MUC17: variants seen among roughly 807,000 people sequenced by gnomAD.
MUC17 encodes mucin 17, cell surface associated.
Under a neutral mutation model 170.3 loss-of-function variants are expected in MUC17, and 190 were observed. The observed-to-expected ratio is 1.12, with a 90% CI of 0.99 to 1.26. The LOEUF (loss-of-function observed/expected upper bound fraction) is 1.26. Among genes scored for constraint, MUC17 ranks in the 50% most tolerant of loss-of-function variants. MUC17 has a pLI of 0.00. For missense variants in MUC17, 6,415 were observed against 5,530.0 expected (o/e 1.16, Z -5.08); for synonymous variants, 2,325 against 2,002.5 (o/e 1.16, Z -4.30).
rs755850315 is a variant in MUC17, at chr7:101,039,688, G to T, written c.8272G>T (p.Val2758Phe). Residue 2758 changes from valine to phenylalanine, a missense_variant, in exon 3 of 13, where the codon GTC becomes TTC. Coordinates refer to ENST00000306151, the MANE Select transcript of MUC17 (RefSeq NM_001040105.2). ...DGSTPLTSIL[V>F]STLPVASSEA... ...AAGTACTCCATTAACAAGTATACTT[G>T]TCAGCACCCTGCCAGTGGCCAGTTC... The T allele has an allele frequency of 1.2e-5, 19 of 1,613,082 alleles. No homozygotes were observed. Among genetic ancestry groups the T allele is most frequent in the Non-Finnish European group, 1.6e-5 (19 of 1,179,702 alleles).
chr7:101,056,088 G>A, intron 11 of MUC17, 106 bp from the exon 12 acceptor site: 1 of 1,509,568 alleles, frequency 6.6e-7, no homozygotes, highest in South Asian at 1.2e-5. Flanking sequence ...GTTTCCTAGG[G>A]GTAGAGAAAA....
chr7:101,041,945 C>A lies in MUC17; in HGVS notation c.10529C>A (p.Ser3510Ter). 6.2e-7 allele frequency: 1 copy of A among 1,613,190 alleles called. No individual in the cohort carries two copies. Among genetic ancestry groups the A allele is most frequent in the Non-Finnish European group, 8.5e-7 (1 of 1,179,632 alleles). The part of the protein sequence containing the change: ...TTAEVTSMPT[S>*]TAGEGSTPLT... ...GCTGAAGTTACCAGCATGCCAACATCAACTGCTGGTGAAGGAAGCACTCCA... is the reference window on the plus strand; with the variant it reads ...GCTGAAGTTACCAGCATGCCAACATAAACTGCTGGTGAAGGAAGCACTCCA... The change falls in exon 3 of 13, where the codon TCA (serine) becomes TAA (stop). Residue 3510 changes from serine to a stop codon, truncating the protein, a stop_gained. Transcript: ENST00000306151. LOFTEE classifies it high-confidence loss of function.
In MUC17 at chr7:101,035,060, G is replaced by A. The variant is rs763721391; in HGVS notation, c.3644G>A (p.Gly1215Glu). 18 of 1,613,108 alleles carry A rather than the reference G, an allele frequency of 1.1e-5. No individual in the cohort carries two copies. The Admixed American group carries it at 1.7e-4, about 15-fold the overall frequency. The change falls in exon 3 of 13, where the codon GGA becomes GAA. Residue 1215 changes from glycine to glutamate, a missense_variant. Coordinates refer to ENST00000306151, the MANE Select transcript of MUC17 (RefSeq NM_001040105.2). ...EVTSMPTSTP[G>E]ERSTPLTSMP... The stretch of plus-strand genomic sequence containing the variant: ...ACCAGCATGCCAACCTCAACTCCTG[G>A]AGAAAGAAGCACTCCATTAACAAGT...
chr7:101,041,296 G>T lies in MUC17; in HGVS notation c.9880G>T (p.Ala3294Ser). 1.9e-6 allele frequency: 3 copies of T among 1,610,178 alleles called. No individual in the cohort carries two copies. Among genetic ancestry groups the T allele is most frequent in the Non-Finnish European group, 1.7e-6 (2 of 1,177,926 alleles). ...TATGCCTGTCAGCACCACAACGGTG[G>T]CCAGTTCTGAAACGAGCACCCTTTC... The part of the protein sequence containing the change: ...TSMPVSTTTV[A>S]SSETSTLSTT... The change falls in exon 3 of 13, where the codon GCC becomes TCC. Residue 3294 changes from alanine to serine, a missense_variant. Transcript: ENST00000306151.
In MUC17 at chr7:101,040,191, A is replaced by G. The variant is rs182778484; in HGVS notation, c.8775A>G (p.Glu2925=). The change falls in exon 3 of 13, where the codon GAA becomes GAG. Residue 2925 remains glutamate (E), a synonymous_variant. Coordinates refer to ENST00000306151, the MANE Select transcript of MUC17 (RefSeq NM_001040105.2). The part of the protein sequence containing the change: ...GTSMPISTPS[E]VSTPLTSILV... ...GCATGCCAATCTCAACTCCTAGTGA[A>G]GTAAGTACTCCATTAACAAGTATAC... 17 of 1,612,482 alleles carry G rather than the reference A, an allele frequency of 1.1e-5. No homozygotes were observed. In the East Asian group the frequency reaches 3.4e-4, roughly 32 times the overall value.
intron 6 of MUC17, 52 bp downstream of exon 6, chr7:101,049,434 A>G: frequency 6.3e-7 from 1 of 1,580,362 alleles, no homozygotes; most frequent in South Asian, 1.2e-5. Context: ...AGCAGTGGTC[A>G]TAGTTATAAA....
chr7:101,045,503 C>T (rs562832567), intron 3 of MUC17, among the ~76,000 whole-genome samples: 4 of 152,122 alleles, frequency 2.6e-5, no homozygotes, highest in East Asian at 1.9e-4. Context: ...AAGTGATTCT[C>T]TCACCTCAAC....
At chr7:101,048,790 ATCT>A in intron 4 of MUC17, 52 bp from the exon 5 acceptor site, 1 of 1,602,496 alleles carries the variant, frequency 6.2e-7, no homozygotes, top group Non-Finnish European at 8.5e-7. Flanking sequence ...CTGGGGGCAG[ATCT>A]TCTGAGTAGG....
In MUC17 at chr7:101,037,728, A is replaced by G. The variant is rs1428054686; in HGVS notation, c.6312A>G (p.Leu2104=). Residue 2104 remains leucine (L), a synonymous_variant, in exon 3 of 13, where the codon CTA becomes CTG. Coordinates refer to ENST00000306151, the MANE Select transcript of MUC17 (RefSeq NM_001040105.2). ...CTCCTAGTGAAGGAAGTCCTCTACT[A>G]ACAAGTATACCTCTCAGCACCACGC... ...ISAPSEGSPL[L]TSIPLSTTPV... is the part of the protein sequence containing the mutation. The G allele has an allele frequency of 8.1e-6, 13 of 1,613,112 alleles. No homozygotes were observed. Among genetic ancestry groups the G allele is most frequent in the East Asian group, 4.5e-5 (2 of 44,776 alleles).
chr7:101,049,035 T>C, intron 5 of MUC17, 63 bp downstream of exon 5: 1 of 1,608,804 alleles, frequency 6.2e-7, no homozygotes, highest in Non-Finnish European at 8.5e-7. Flanking sequence ...GTCTGTAGGG[T>C]AAGAAGGTAG....
At position 101,036,774 on chromosome 7, in the gene MUC17, C is replaced by T. The variant is rs761529840; in HGVS notation, c.5358C>T (p.Ala1786=). The change falls in exon 3 of 13, where the codon GCC becomes GCT. Residue 1786 remains alanine, a synonymous_variant. Transcript: ENST00000306151. ...CCCCTGTGACCACTTCTACTGAAGC[C>T]ACTTCGTCTCCTACAACTGCTGAAG... is the stretch of plus-strand genomic sequence containing the variant. ...TSTPVTTSTE[A]TSSPTTAEGT... 2 of 1,612,496 alleles carry T rather than the reference C, an allele frequency of 1.2e-6. No individual in the cohort carries two copies. Among genetic ancestry groups the T allele is most frequent in the Admixed American group, 1.7e-5 (1 of 59,892 alleles).
chr7:101,053,433 C>G lies in MUC17; in HGVS notation c.13360C>G (p.Gln4454Glu). The change falls in exon 11 of 13, where the codon CAA becomes GAA. Residue 4454 changes from glutamine to glutamate, a missense_variant. Gln to Glu is a conservative substitution (Grantham distance 29). Transcript: ENST00000306151. ...TFQNIGFDIC[Q>E]DDDSIHLESI... ...CCAAAACATTGGCTTTGACATCTGC[C>G]AAGGTATTGGCCTTCCTCTCTGAAC... The G allele has an allele frequency of 1.2e-6, 2 of 1,612,766 alleles. No individual in the cohort carries two copies. Among genetic ancestry groups the G allele is most frequent in the Non-Finnish European group, 1.7e-6 (2 of 1,179,324 alleles).
Position 101,037,696 on chromosome 7 carries a change from A to C in MUC17, c.6280A>C (p.Ile2094Leu). ...AACCGCTGAAGGTAGCAGCATGACA[A>C]TCTCAGCTCCTAGTGAAGGAAGTCC... is the stretch of plus-strand genomic sequence containing the variant. ...SATAEGSSMT[I>L]SAPSEGSPLL... Residue 2094 changes from isoleucine to leucine, a missense_variant, in exon 3 of 13, where the codon ATC becomes CTC. Physicochemically the swap from Ile to Leu is conservative, Grantham distance 5. Transcript: ENST00000306151. 4 of 1,612,824 alleles carry C rather than the reference A, an allele frequency of 2.5e-6. No individual in the cohort carries two copies. Among genetic ancestry groups the C allele is most frequent in the Middle Eastern group, 3.3e-4 (2 of 6,058 alleles).
At chr7:101,031,328 C>T (rs188591543) in intron 2 of MUC17, 107 bp downstream of exon 2, 82 of 1,479,228 alleles carry the variant, frequency 5.5e-5, no homozygotes, top group South Asian at 3.5e-4. Context: ...CAGTGTGTGA[C>T]GGCTTGAGAT....
Position 101,051,831 on chromosome 7 carries a change from T to C in MUC17, c.12972T>C (p.Tyr4324=), listed in dbSNP as rs1452236288. Residue 4324 remains tyrosine, a synonymous_variant, in exon 9 of 13, where the codon TAT becomes TAC. Coordinates refer to ENST00000306151, the MANE Select transcript of MUC17 (RefSeq NM_001040105.2). The part of the protein sequence containing the change: ...EEDCRKMAKE[Y]GDYFVVEYRD... ...ACTGCCGGAAGATGGCCAAGGAATATGGAGACTACTTCGTAGTGGAGTACC... is the reference window on the plus strand; with the variant it reads ...ACTGCCGGAAGATGGCCAAGGAATACGGAGACTACTTCGTAGTGGAGTACC... 2.5e-6 allele frequency: 4 copies of C among 1,614,132 alleles called. No homozygotes were observed. The highest frequency in any genetic ancestry group is 2.5e-6 in the Non-Finnish European group (3 of 1,179,970).
Position 101,035,055 on chromosome 7 carries a change from T to C in MUC17, c.3639T>C (p.Thr1213=), listed in dbSNP as rs569528123. Residue 1213 remains threonine (T), a synonymous_variant, in exon 3 of 13, where the codon ACT becomes ACC. Coordinates refer to ENST00000306151, the MANE Select transcript of MUC17 (RefSeq NM_001040105.2). The stretch of plus-strand genomic sequence containing the variant: ...AAGTTACCAGCATGCCAACCTCAAC[T>C]CCTGGAGAAAGAAGCACTCCATTAA... ...TAEVTSMPTS[T]PGERSTPLTS... The C allele has an allele frequency of 5.6e-6, 9 of 1,613,176 alleles. No homozygotes were observed. The South Asian group carries it at 6.6e-5, about 12-fold the overall frequency.
rs765542659 is a variant in MUC17 at position 101,032,880 on chromosome 7, A to G, written c.1464A>G (p.Glu488=). The G allele has an allele frequency of 5.0e-6, 8 of 1,614,000 alleles. No homozygotes were observed. The highest frequency in any genetic ancestry group is 5.9e-6 in the Non-Finnish European group (7 of 1,179,978). Reference sequence around the variant, plus strand: ...AAACTCAGGTGACCACTTCTACTGAAGCCAGTTCATCTCCTCCAACTGCTG... The same window carrying G: ...AAACTCAGGTGACCACTTCTACTGAGGCCAGTTCATCTCCTCCAACTGCTG... ...DSKTQVTTST[E]ASSSPPTAEV... Residue 488 remains glutamate, a synonymous_variant, in exon 3 of 13, where the codon GAA becomes GAG. Transcript: ENST00000306151.
At chr7:101,056,293 G>T (rs570584058) in intron 12 of MUC17, 23 bp downstream of exon 12, 1 of 1,612,770 alleles carries the variant, frequency 6.2e-7, no homozygotes, top group East Asian at 2.2e-5. Flanking sequence ...TGGATGGGAT[G>T]CTGGCCTCCC....
chr7:101,056,374 A>T, intron 12 of MUC17, 104 bp downstream of exon 12: 6 of 1,512,652 alleles, frequency 4.0e-6, no homozygotes, highest in Non-Finnish European at 4.5e-6. Context: ...CCATGTTTAC[A>T]GTTTATTGGT....
Sources: gnomAD v4.1 joint callset for allele counts (sites outside exome capture counted in the v4.1 genomes callset) on GRCh38, gnomAD v4.1.1 for gene constraint, MANE v1.5 for transcripts, NCBI Gene and HGNC (gene_info 2026-07-23, HGNC 2026-07-21) for gene names.